The following SRRM2 variants were observed in gnomAD, a reference collection of about 807,000 sequenced individuals.
SRRM2 encodes serine/arginine repetitive matrix 2.
In SRRM2, 30 loss-of-function variants were observed where a neutral mutation model predicts 213.8. That is an observed-to-expected ratio of 0.14 (90% CI 0.10 to 0.19). SRRM2 has a LOEUF of 0.19. Among genes scored for constraint, SRRM2 ranks in the 10% least tolerant of loss-of-function variants. The probability of loss-of-function intolerance (pLI) is 1.00; values close to 1 mark genes in which losing one functional copy is unlikely to be tolerated. For missense variants in SRRM2, 4,904 were observed against 3,647.0 expected, an observed-to-expected ratio of 1.34 and a Z score of -8.88; for synonymous variants, 2,025 against 1,377.7, an observed-to-expected ratio of 1.47 and a Z score of -10.40.
chr16:2,753,548 A>G (rs2068022371), intron 1 of SRRM2: 1 of 152,294 alleles, frequency 6.6e-6, no homozygotes, highest in South Asian at 2.1e-4. Context: ...CCCTTTTTAC[A>G]CTTTTTCAAC....
intron 5 of SRRM2, 97 bp from the exon 6 acceptor site, chr16:2,758,888 T>G: frequency 1.5e-6 from 2 of 1,363,220 alleles, no homozygotes; most frequent in South Asian, 1.3e-5. Flanking sequence ...ATTAGGACAT[T>G]CAAGTGTTTT....
In SRRM2 at chr16:2,759,557, G is replaced by C; in HGVS notation, c.741-12G>C. 6.2e-7 allele frequency: 1 copy of C among 1,614,000 alleles called. No homozygotes were observed. The highest frequency in any genetic ancestry group is 1.1e-5 in the South Asian group (1 of 91,080). ...AGCAGTACCCTGAGCTGTGGTGGTG[G>C]TCTTCCTTCAGGTCTCGAAGTACAA... On this transcript the variant is annotated splice_polypyrimidine_tract_variant and intron_variant, in intron 8 of 14. Coordinates refer to ENST00000301740, the MANE Select transcript of SRRM2 (RefSeq NM_016333.4).
In SRRM2 at chr16:2,771,097, G is replaced by GGGGGGGGGGGGA; in HGVS notation, c.*230_*231insGGGGGGGGGGGA. 3.0e-6 allele frequency: 1 copy of GGGGGGGGGGGGA among 336,638 alleles called. No homozygotes were observed. The highest frequency in any genetic ancestry group is 5.7e-6 in the Non-Finnish European group (1 of 174,698). The allele number at this position is 336,638 out of a possible 1,614,324, so 20.9% of individuals were successfully genotyped here. A position where few individuals can be genotyped will look rare whatever the true frequency, so the allele number is the denominator to read the frequency against. On this transcript the variant is annotated 3_prime_UTR_variant, in exon 15 of 15. Coordinates refer to ENST00000301740, the MANE Select transcript of SRRM2 (RefSeq NM_016333.4). ...GTTCTGGGGGGTTTGGGGTGGGAGG[G>GGGGGGGGGGGGA]AATGCAGATGGGAGTTGGGGGAGGG...
chr16:2,769,471 C>T (rs1267552955), intron 12 of SRRM2, 187 bp downstream of exon 12: 8 of 693,874 alleles, frequency 1.2e-5, no homozygotes, highest in Non-Finnish European at 1.9e-5. Flanking sequence ...GCTGCGCCAT[C>T]CACAGCGGCG....
Position 2,759,030 on chromosome 16 carries a change from A to G in SRRM2, c.639A>G (p.Ser213=), listed in dbSNP as rs767247549. The G allele has an allele frequency of 1.9e-6, 3 of 1,614,206 alleles. No homozygotes were observed. The highest frequency in any genetic ancestry group is 2.2e-5 in the East Asian group (1 of 44,890). ...CTCGACGGGAGAGAAAGAAAAGCTC[A>G]AAGAAGAAGAAGCACAGGTATGAGG... ...SSPRRERKKS[S]KKKKHRSESE... Residue 213 remains serine (S), a synonymous_variant, in exon 6 of 15, where the codon TCA becomes TCG. Coordinates refer to ENST00000301740, the MANE Select transcript of SRRM2 (RefSeq NM_016333.4).
At position 2,768,112 on chromosome 16, in the gene SRRM2, G is replaced by A. The variant is rs888256253; in HGVS notation, c.7584G>A (p.Lys2528=). 8 of 1,614,166 alleles carry A rather than the reference G, an allele frequency of 5.0e-6. No homozygotes were observed. The highest frequency in any genetic ancestry group is 6.8e-6 in the Non-Finnish European group (8 of 1,180,014). ...CATTAGCCGCCCTGCAGCCAGCAAAGGAGCGGCGGAGTTCCTCCTCGTCGT... is the reference window on the plus strand; with the variant it reads ...CATTAGCCGCCCTGCAGCCAGCAAAAGAGCGGCGGAGTTCCTCCTCGTCGT... ...PSALAALQPA[K]ERRSSSSSSS... The change falls in exon 11 of 15, where the codon AAG becomes AAA. Residue 2528 remains lysine, a synonymous_variant. Coordinates refer to ENST00000301740, the MANE Select transcript of SRRM2 (RefSeq NM_016333.4).
At chr16:2,769,317 G>GT (rs2068656604) in intron 12 of SRRM2, 33 bp downstream of exon 12, 2 of 1,530,902 alleles carry the variant, frequency 1.3e-6, no homozygotes, top group African/African-American at 2.8e-5. Context: ...TGAAAGGTGG[G>GT]TGGGGGAGTG....
chr16:2,761,924 C>T lies in SRRM2; in HGVS notation c.1396C>T (p.Arg466Ter). The change falls in exon 11 of 15, where the codon CGA becomes TGA. Residue 466 changes from arginine to a stop codon, truncating the protein, a stop_gained. Coordinates refer to ENST00000301740, the MANE Select transcript of SRRM2 (RefSeq NM_016333.4). LOFTEE classifies it high-confidence loss of function. ...SPTSKNRSHG[R>*]AKRDKSHSHT... ...CACATCTAAGAATCGCTCACATGGC[C>T]GAGCAAAACGGGATAAATCACATTC... 1 of 1,613,966 alleles carries T rather than the reference C, an allele frequency of 6.2e-7. No individual in the cohort carries two copies.
In SRRM2 at chr16:2,764,610, A is replaced by T; in HGVS notation, c.4082A>T (p.Asn1361Ile). 6.2e-7 allele frequency: 1 copy of T among 1,614,228 alleles called. No individual in the cohort carries two copies. Among genetic ancestry groups the T allele is most frequent in the Non-Finnish European group, 8.5e-7 (1 of 1,180,036 alleles). Residue 1361 changes from asparagine to isoleucine, a missense_variant, in exon 11 of 15, where the codon AAT (asparagine) becomes ATT (isoleucine). Asn to Ile is a moderately radical substitution (Grantham distance 149). Coordinates refer to ENST00000301740, the MANE Select transcript of SRRM2 (RefSeq NM_016333.4). ...GAAGATTTGAATGGACCGTTTCTTA[A>T]TCAGCTGGAAACAGATCCATCTCTA... ...VKEDLNGPFL[N>I]QLETDPSLDM...
In SRRM2 at chr16:2,769,177, CTCA is replaced by C; in HGVS notation, c.7917_7919del (p.Ser2648del). 1.2e-6 allele frequency: 2 copies of C among 1,611,268 alleles called. No homozygotes were observed. Among genetic ancestry groups the C allele is most frequent in the East Asian group, 2.2e-5 (1 of 44,874 alleles). ...CCTCTTCCTCTTCTTCTTCTTCCTC[CTCA>C]TCTTCCTCCTCCTCGTCGTCTTCCT... On this transcript the variant is annotated inframe_deletion, in exon 12 of 15. Coordinates refer to ENST00000301740, the MANE Select transcript of SRRM2 (RefSeq NM_016333.4).
Position 2,763,138 on chromosome 16 carries a change from G to A in SRRM2, c.2610G>A (p.Arg870=), listed in dbSNP as rs370817372. Residue 870 remains arginine (R), a synonymous_variant, in exon 11 of 15, where the codon CGG becomes CGA. Transcript: ENST00000301740. Reference sequence around the variant, plus strand: ...AGCAATCTGTAACGCCACAGAGACGGAGCTGTTTTGAATCATCACCTGACC... The same window carrying A: ...AGCAATCTGTAACGCCACAGAGACGAAGCTGTTTTGAATCATCACCTGACC... ...ANEQSVTPQR[R]SCFESSPDPE... The A allele has an allele frequency of 6.2e-7, 1 of 1,613,996 alleles. No individual in the cohort carries two copies. The highest frequency in any genetic ancestry group is 1.7e-5 in the Admixed American group (1 of 59,990).
At chr16:2,758,241 GCCTGTAGT>G (rs1466296864) in intron 4 of SRRM2, among the ~76,000 whole-genome samples, 3 of 152,228 alleles carry the variant, frequency 2.0e-5, no homozygotes, top group Non-Finnish European at 4.4e-5. Flanking sequence ...GGTGGCACAT[GCCTGTAGT>G]CCAGGCTGCT....
Position 2,764,507 on chromosome 16 carries a change from T to C in SRRM2, c.3979T>C (p.Phe1327Leu), listed in dbSNP as rs2068472285. 4.3e-6 allele frequency: 7 copies of C among 1,614,212 alleles called. No homozygotes were observed. Among genetic ancestry groups the C allele is most frequent in the Non-Finnish European group, 5.1e-6 (6 of 1,180,040 alleles). Reference sequence around the variant, plus strand: ...TAACTCCCCACTCAGGGAGAACAGCTTTGGATCACCTTTAGAATTTAGAAA... The same window carrying C: ...TAACTCCCCACTCAGGGAGAACAGCCTTGGATCACCTTTAGAATTTAGAAA... ...LSNSPLRENS[F>L]GSPLEFRNSG... The change falls in exon 11 of 15, where the codon TTT becomes CTT. Residue 1327 changes from phenylalanine (F) to leucine (L), a missense_variant. Transcript: ENST00000301740.
Position 2,767,754 on chromosome 16 carries a change from C to T in SRRM2, c.7226C>T (p.Thr2409Ile). 1.2e-6 allele frequency: 2 copies of T among 1,613,842 alleles called. No homozygotes were observed. The highest frequency in any genetic ancestry group is 1.7e-6 in the Non-Finnish European group (2 of 1,179,944). ...CTCCTTGACCGAGCTAGGTCCAGAA[C>T]ACCACCGTCTGCCCCAAGCCAATCT... ...PPLLDRARSRTPPSAPSQSRM... is the reference protein window; with the variant it reads ...PPLLDRARSRIPPSAPSQSRM... Residue 2409 changes from threonine to isoleucine, a missense_variant, in exon 11 of 15, where the codon ACA becomes ATA. Transcript: ENST00000301740.
At chr16:2,759,890 G>A (rs2068278892) in intron 9 of SRRM2, 2 of 561,906 alleles carry the variant, frequency 3.6e-6, no homozygotes, top group Non-Finnish European at 6.3e-6. Context: ...TCGTTCTGAT[G>A]TATATGGACT....
At chr16:2,754,525 G>T (rs1326958793) in intron 1 of SRRM2, among the ~76,000 whole-genome samples, 1 of 152,128 alleles carries the variant, frequency 6.6e-6, no homozygotes, top group African/African-American at 2.4e-5. Flanking sequence ...CTCCTGATCT[G>T]GTGATCCGCC....
At position 2,767,528 on chromosome 16, in the gene SRRM2, G is replaced by A. The variant is rs771776567; in HGVS notation, c.7000G>A (p.Ala2334Thr). ...CAGCTCCAGAACACCACAGGCTCCAGCCTCTGCAAACCTGGTGGGTCCTCG... is the reference window on the plus strand; with the variant it reads ...CAGCTCCAGAACACCACAGGCTCCAACCTCTGCAAACCTGGTGGGTCCTCG... ...PSSSRTPQAP[A>T]SANLVGPRSA... Residue 2334 changes from alanine to threonine, a missense_variant, in exon 11 of 15, where the codon GCC (alanine) becomes ACC (threonine). By Grantham distance (58) the Ala-to-Thr change is moderately conservative (BLOSUM62 0). Coordinates refer to ENST00000301740, the MANE Select transcript of SRRM2 (RefSeq NM_016333.4). 2.3e-5 allele frequency: 37 copies of A among 1,614,078 alleles called. No individual in the cohort carries two copies. The South Asian group carries it at 3.4e-4, about 15-fold the overall frequency.
Position 2,762,047 on chromosome 16 carries a change from C to G in SRRM2, c.1519C>G (p.Arg507Gly). ...SRTPTKRGHS[R>G]SRSPQWRRSR... is the part of the protein sequence containing the mutation. ...AACCCCTACCAAGAGAGGTCATTCT[C>G]GATCCCGATCTCCCCAGTGGCGTAG... is the stretch of plus-strand genomic sequence containing the variant. The change falls in exon 11 of 15, where the codon CGA becomes GGA. Residue 507 changes from arginine (R) to glycine (G), a missense_variant. Coordinates refer to ENST00000301740, the MANE Select transcript of SRRM2 (RefSeq NM_016333.4). 1 of 1,614,232 alleles carries G rather than the reference C, an allele frequency of 6.2e-7. No homozygotes were observed. Among genetic ancestry groups the G allele is most frequent in the Non-Finnish European group, 8.5e-7 (1 of 1,180,042 alleles).
chr16:2,767,991 G>A lies in SRRM2; in HGVS notation c.7463G>A (p.Gly2488Asp). ...GAVATTTSSA[G>D]DHNGMLSVPA... Reference sequence around the variant, plus strand: ...GTGGCAACGACCACGTCCTCTGCTGGTGATCACAATGGCATGCTCTCTGTC... The same window carrying A: ...GTGGCAACGACCACGTCCTCTGCTGATGATCACAATGGCATGCTCTCTGTC... The change falls in exon 11 of 15, where the codon GGT (glycine) becomes GAT (aspartate). Residue 2488 changes from glycine (G) to aspartate (D), a missense_variant. Gly to Asp is a moderately conservative substitution (Grantham distance 94). Coordinates refer to ENST00000301740, the MANE Select transcript of SRRM2 (RefSeq NM_016333.4). 6.2e-7 allele frequency: 1 copy of A among 1,614,118 alleles called. No individual in the cohort carries two copies. The highest frequency in any genetic ancestry group is 8.5e-7 in the Non-Finnish European group (1 of 1,180,022).
Sources: gnomAD v4.1 joint callset for allele counts (sites outside exome capture counted in the v4.1 genomes callset) on GRCh38, gnomAD v4.1.1 for gene constraint, MANE v1.5 for transcripts, NCBI Gene and HGNC (gene_info 2026-07-23, HGNC 2026-07-21) for gene names.